Variants in RAP1GAP2 observed in about 807,000 individuals in gnomAD.
RAP1GAP2 encodes rap1 GTPase-activating protein 2.
RAP1GAP2 carries 27 observed loss-of-function variants against 95.0 expected under a neutral mutation model. The observed-to-expected ratio is 0.28, with a 90% CI of 0.21 to 0.39. The LOEUF (loss-of-function observed/expected upper bound fraction) is 0.39, where lower values mean the gene tolerates loss of function less well. Ranked by LOEUF, RAP1GAP2 falls within the 10% of genes least tolerant of loss-of-function variation. RAP1GAP2 has a pLI of 1.00. For synonymous variants in RAP1GAP2, 373 were observed against 380.9 expected (o/e 0.98, Z 0.24); for missense variants, 771 against 970.0 (o/e 0.79, Z 2.72).
intron 3 of RAP1GAP2, among the ~76,000 whole-genome samples, chr17:2,917,350 A>G (rs891137629): frequency 1.3e-5 from 2 of 151,490 alleles, no homozygotes; most frequent in Non-Finnish European, 2.9e-5. Context: ...GGCTCACTGC[A>G]ACCTCTGCCT....
rs558965066 is a variant in RAP1GAP2 at position 2,962,416 on chromosome 17, G to A, written c.202-254G>A. 7.4e-5 allele frequency: 36 copies of A among 484,286 alleles called. No homozygotes were observed. In the South Asian group the frequency reaches 9.1e-4, roughly 12 times the overall value. The allele number at this position is 484,286 out of a possible 1,614,324, so 30.0% of individuals were successfully genotyped here. Reference sequence around the variant, plus strand: ...TGTGACTTGCCAAGGTCATCAGGCTGATAGGTGGCAGTGTTGGGATTTGAA... The same window carrying A: ...TGTGACTTGCCAAGGTCATCAGGCTAATAGGTGGCAGTGTTGGGATTTGAA... On this transcript the variant is annotated intron_variant, in intron 4 of 24. Transcript: ENST00000254695.
At chr17:2,881,501 T>C (rs941517138) in intron 2 of RAP1GAP2, among the ~76,000 whole-genome samples, 10 of 152,220 alleles carry the variant, frequency 6.6e-5, no homozygotes, top group Admixed American at 2.0e-4. Context: ...CAGGGTTGAA[T>C]AATGTTCCTT....
chr17:2,852,085 T>A lies in RAP1GAP2; in HGVS notation c.80+51535T>A, dbSNP rs531056100. Among the ~76,000 whole-genome samples the A allele has an allele frequency of 7.2e-5, 11 of 152,318 alleles. 1 individual carries two copies. The South Asian group carries it at 2.1e-3, about 29-fold the overall frequency. ...GTGGGTCCTCGGGTGCTGTGTGCTA[T>A]AGCGCGGTGGGAGAGAGGGGAAGAG... On this transcript the variant is annotated intron_variant, in intron 2 of 24. Coordinates refer to ENST00000254695, the MANE Select transcript of RAP1GAP2 (RefSeq NM_015085.5).
chr17:2,810,016 AC>A (rs1425621141), intron 2 of RAP1GAP2, among the ~76,000 whole-genome samples: 8 of 46,810 alleles, frequency 1.7e-4, no homozygotes, highest in African/African-American at 9.6e-4. Flanking sequence ...TTGTGCTGGG[AC>A]CCTCCCCTCC....
At chr17:2,786,099 C>T (rs1381402284) in intron 1 of RAP1GAP2, among the ~76,000 whole-genome samples, 1 of 152,040 alleles carries the variant, frequency 6.6e-6, no homozygotes, top group East Asian at 1.9e-4. Flanking sequence ...CGGGGTTTCA[C>T]CATGTTGGCC....
intron 1 of RAP1GAP2, among the ~76,000 whole-genome samples, chr17:2,787,057 T>A (rs565987221): frequency 6.7e-6 from 1 of 150,216 alleles, no homozygotes. Flanking sequence ...TTCAAGCCAT[T>A]CTCCTGCCCC....
At chr17:2,922,383 T>C (rs959704680) in intron 3 of RAP1GAP2, among the ~76,000 whole-genome samples, 3 of 152,184 alleles carry the variant, frequency 2.0e-5, no homozygotes. Context: ...GTAAAGACCC[T>C]TTTTCCGAAT....
chr17:2,840,102 G>A (rs1459463224), intron 2 of RAP1GAP2, among the ~76,000 whole-genome samples: 1 of 151,944 alleles, frequency 6.6e-6, no homozygotes, highest in Admixed American at 6.6e-5. Flanking sequence ...TTGGTCACCT[G>A]GCTGAGATAG....
At chr17:3,001,539 CAG>C in intron 14 of RAP1GAP2, among the ~76,000 whole-genome samples, 1 of 113,502 alleles carries the variant, frequency 8.8e-6, no homozygotes, top group East Asian at 2.6e-4. Flanking sequence ...ACAGAAGAAG[CAG>C]GGAGTGCAGG....
intron 3 of RAP1GAP2, among the ~76,000 whole-genome samples, chr17:2,927,188 C>G (rs1567786607): frequency 2.0e-5 from 3 of 151,236 alleles, no homozygotes; most frequent in South Asian, 2.1e-4. Context: ...GAATCTCGCT[C>G]TGTCACCCAG....
chr17:2,774,433 G>A (rs1442229586), upstream of RAP1GAP2, among the ~76,000 whole-genome samples: 3 of 151,782 alleles, frequency 2.0e-5, no homozygotes, highest in Non-Finnish European at 4.4e-5. Context: ...TGATGGAACG[G>A]GCTGCTGATA....
Position 3,018,098 on chromosome 17 carries a change from T to C in RAP1GAP2, c.1532T>C (p.Met511Thr). The change falls in exon 18 of 25, where the codon ATG becomes ACG. Residue 511 changes from methionine to threonine, a missense_variant. By Grantham distance (81) the Met-to-Thr change is moderately conservative. Transcript: ENST00000254695. ...IRVRSHSMET[M>T]VGGQKKSHSG... ...GTACGCAGCCACTCCATGGAGACCA[T>C]GGTGGGCGGCCAGAAGAAGTCGCAC... 5 of 1,592,072 alleles carry C rather than the reference T, an allele frequency of 3.1e-6. No individual in the cohort carries two copies. Among genetic ancestry groups the C allele is most frequent in the Non-Finnish European group, 4.3e-6 (5 of 1,169,792 alleles).
At chr17:2,771,398 C>G (rs139941724) in intron 2 of RAP1GAP2, among the ~76,000 whole-genome samples, 106 of 152,264 alleles carry the variant, frequency 7.0e-4, no homozygotes, top group African/African-American at 2.4e-3. Flanking sequence ...TCCTGGCAAC[C>G]CTTCTGCAGC....
intron 1 of RAP1GAP2, among the ~76,000 whole-genome samples, chr17:2,784,796 C>T (rs1229218652): frequency 6.6e-6 from 1 of 152,176 alleles, no homozygotes; most frequent in Non-Finnish European, 1.5e-5. Flanking sequence ...GTCAGCCCTG[C>T]TCCCTTCAAG....
At chr17:3,012,337 G>A (rs1027670242) in intron 17 of RAP1GAP2, among the ~76,000 whole-genome samples, 1 of 151,992 alleles carries the variant, frequency 6.6e-6, no homozygotes, top group African/African-American at 2.4e-5. Flanking sequence ...TGAACGTTTG[G>A]CTGGGCGCGG....
chr17:2,944,515 C>T (rs2043635735), intron 3 of RAP1GAP2, among the ~76,000 whole-genome samples: 2 of 152,152 alleles, frequency 1.3e-5, no homozygotes, highest in Non-Finnish European at 2.9e-5. Context: ...ATTGCCAGGA[C>T]CACACGGTTT....
At chr17:2,755,704 C>T (rs889028685), upstream of RAP1GAP2, 4 of 319,232 alleles carry the variant, frequency 1.3e-5, no homozygotes, top group Admixed American at 5.0e-5. Flanking sequence ...GGGCAGGGAG[C>T]GGCCGGGCGA....
intron 3 of RAP1GAP2, among the ~76,000 whole-genome samples, chr17:2,914,985 T>G (rs1476215357): frequency 6.6e-6 from 1 of 150,892 alleles, no homozygotes; most frequent in African/African-American, 2.4e-5. Context: ...AAAGACAAGG[T>G]TTCACCATGT....
chr17:2,818,787 A>G (rs1249574180), intron 2 of RAP1GAP2, among the ~76,000 whole-genome samples: 1 of 152,198 alleles, frequency 6.6e-6, no homozygotes, highest in African/African-American at 2.4e-5. Flanking sequence ...TGGCTCTGAC[A>G]CGCAGCAGCT....
Sources: gnomAD v4.1 joint callset for allele counts (sites outside exome capture counted in the v4.1 genomes callset) on GRCh38, gnomAD v4.1.1 for gene constraint, MANE v1.5 for transcripts, NCBI Gene and HGNC (gene_info 2026-07-23, HGNC 2026-07-21) for gene names.